AGFG1: variants seen among roughly 807,000 people sequenced by gnomAD.
The protein encoded by AGFG1 is ArfGAP with FG repeats 1.
Under a neutral mutation model 60.6 loss-of-function variants are expected in AGFG1, and 10 were observed. The observed-to-expected ratio is 0.16, with a 90% CI of 0.10 to 0.28. The LOEUF (loss-of-function observed/expected upper bound fraction) is 0.28. AGFG1 is among the 10% of genes least tolerant of loss of function. AGFG1 has a pLI of 1.00. For synonymous variants in AGFG1, 247 were observed against 242.9 expected (o/e 1.02, Z -0.16); for missense variants, 537 against 676.5 (o/e 0.79, Z 2.29).
Position 227,472,322 on chromosome 2 carries a change from G to A in AGFG1, c.-100G>A, listed in dbSNP as rs1169430738. 6.4e-6 allele frequency: 5 copies of A among 785,072 alleles called. No individual in the cohort carries two copies. Among genetic ancestry groups the A allele is most frequent in the Non-Finnish European group, 7.7e-6 (5 of 649,144 alleles). 48.6% of individuals were successfully genotyped at this position (785,072 alleles called of 1,614,324 possible). On this transcript the variant is annotated 5_prime_UTR_variant, in exon 1 of 13. Coordinates refer to ENST00000310078, the MANE Select transcript of AGFG1 (RefSeq NM_004504.5). ...GCGCGGGCGGCGCGCGCAGACGGAGGGCGGCGGCCGCGGCCAGGGCGGCCC... is the reference window on the plus strand; with the variant it reads ...GCGCGGGCGGCGCGCGCAGACGGAGAGCGGCGGCCGCGGCCAGGGCGGCCC...
intron 2 of AGFG1, among the ~76,000 whole-genome samples, chr2:227,517,113 T>C (rs1691674258): frequency 6.6e-6 from 1 of 152,232 alleles, no homozygotes; most frequent in Admixed American, 6.5e-5. Flanking sequence ...GTTGTACTAA[T>C]GTTCCTGGAT....
intron 10 of AGFG1, among the ~76,000 whole-genome samples, chr2:227,548,561 A>G (rs1261949440): frequency 1.3e-5 from 2 of 152,214 alleles, no homozygotes; most frequent in African/African-American, 2.4e-5. Flanking sequence ...ATGTCTAAAT[A>G]CATATGAGAA....
intron 2 of AGFG1, among the ~76,000 whole-genome samples, chr2:227,507,602 C>CAAAAAAAAAAA (rs1162277041): frequency 1.6e-5 from 1 of 61,596 alleles, no homozygotes; most frequent in Non-Finnish European, 3.0e-5. Flanking sequence ...GACTCTGTCT[C>CAAAAAAAAAAA]AAAAAAAAAA....
chr2:227,538,903 A>G (rs1223048523), intron 10 of AGFG1, among the ~76,000 whole-genome samples: 1 of 152,228 alleles, frequency 6.6e-6, no homozygotes, highest in East Asian at 1.9e-4. Context: ...AGGTAAAACG[A>G]CAGTGTCCAC....
At chr2:227,534,379 T>TATAG (rs1692248187) in intron 7 of AGFG1, among the ~76,000 whole-genome samples, 1 of 152,200 alleles carries the variant, frequency 6.6e-6, no homozygotes, top group Non-Finnish European at 1.5e-5. Flanking sequence ...TGTTAAGGCA[T>TATAG]ATAGAACAGT....
chr2:227,532,613 G>GT (rs1448500390), intron 6 of AGFG1, among the ~76,000 whole-genome samples: 4 of 151,696 alleles, frequency 2.6e-5, no homozygotes, highest in South Asian at 2.1e-4. Context: ...AAGTGTTCGT[G>GT]TTTTTTTAAT....
chr2:227,472,369 G>T lies in AGFG1; in HGVS notation c.-53G>T, dbSNP rs1308922679. 4.4e-6 allele frequency: 5 copies of T among 1,127,804 alleles called. No homozygotes were observed. The highest frequency in any genetic ancestry group is 4.4e-6 in the Non-Finnish European group (4 of 911,220). The allele number at this position is 1,127,804 out of a possible 1,614,324, so 69.9% of individuals were successfully genotyped here. On this transcript the variant is annotated 5_prime_UTR_variant, in exon 1 of 13. Transcript: ENST00000310078. Reference sequence around the variant, plus strand: ...GCCCGTGGGACCGCGGGCCCCCGGCGCAGCGCTGCCCGGCTCCCGGCCCTG... The same window carrying T: ...GCCCGTGGGACCGCGGGCCCCCGGCTCAGCGCTGCCCGGCTCCCGGCCCTG...
chr2:227,520,132 C>A, intron 3 of AGFG1, 69 bp downstream of exon 3: 1 of 901,560 alleles, frequency 1.1e-6, no homozygotes, highest in South Asian at 1.6e-5. Context: ...TAAGGTTAGT[C>A]TGACACAATG....
rs1216968021 is a variant in AGFG1 at position 227,552,076 on chromosome 2, C to T, written c.1496C>T (p.Ala499Val). Residue 499 changes from alanine to valine, a missense_variant, in exon 11 of 13, where the codon GCA becomes GTA. Physicochemically the swap from Ala to Val is moderately conservative, Grantham distance 64 (BLOSUM62 0). Coordinates refer to ENST00000310078, the MANE Select transcript of AGFG1 (RefSeq NM_004504.5). ...CAGCAGCCTGCCTTTCCAGCCCAAG[C>T]AGCTTTCCCTCAACAGACAGCTTTT... Reference protein sequence around the residue: ...SFQQPAFPAQAAFPQQTAFSQ... With the variant: ...SFQQPAFPAQVAFPQQTAFSQ... 6.2e-7 allele frequency: 1 copy of T among 1,614,206 alleles called. No individual in the cohort carries two copies. The highest frequency in any genetic ancestry group is 1.1e-5 in the South Asian group (1 of 91,088).
At chr2:227,524,229 A>T (rs1395818539) in intron 4 of AGFG1, among the ~76,000 whole-genome samples, 1 of 152,140 alleles carries the variant, frequency 6.6e-6, no homozygotes, top group Admixed American at 6.6e-5. Context: ...CATGTGTTAT[A>T]CAATTTGTAA....
intron 6 of AGFG1, among the ~76,000 whole-genome samples, chr2:227,533,129 G>A (rs936361607): frequency 6.6e-6 from 1 of 152,154 alleles, no homozygotes; most frequent in Non-Finnish European, 1.5e-5. Flanking sequence ...CCCTGGGATT[G>A]TTTAAACTGT....
At chr2:227,502,552 C>G (rs1691190478) in intron 2 of AGFG1, among the ~76,000 whole-genome samples, 1 of 152,100 alleles carries the variant, frequency 6.6e-6, no homozygotes, top group Admixed American at 6.5e-5. Flanking sequence ...AACTCCTGAC[C>G]TCAGGTGATC....
chr2:227,510,706 G>A lies in AGFG1; in HGVS notation c.262-9242G>A, dbSNP rs984587190. 5.3e-5 allele frequency: 8 copies of A among 152,228 alleles called. 1 individual carries two copies. In the South Asian group the frequency reaches 8.3e-4, roughly 16 times the overall value. The allele number at this position is 152,228 out of a possible 1,614,324, so 9.4% of individuals were successfully genotyped here. On this transcript the variant is annotated intron_variant, in intron 2 of 12. Coordinates refer to ENST00000310078, the MANE Select transcript of AGFG1 (RefSeq NM_004504.5). ...CTCCAAGCTAATATAGCTGGGTTTC[G>A]ATTCTTTTCATCCTATCTAGAACAC...
In AGFG1 at chr2:227,477,517, G is replaced by A. The variant is rs536785045; in HGVS notation, c.167+4929G>A. Among the ~76,000 whole-genome samples, 9 of 152,308 alleles carry A rather than the reference G, an allele frequency of 5.9e-5. No homozygotes were observed. In the South Asian group the frequency reaches 1.2e-3, roughly 21 times the overall value. ...AGAATGTATGGTTACCATGGTTACC[G>A]TAAATTGTTGTGAATTCTATATTTT... On this transcript the variant is annotated intron_variant, in intron 1 of 12. Coordinates refer to ENST00000310078, the MANE Select transcript of AGFG1 (RefSeq NM_004504.5).
intron 5 of AGFG1, among the ~76,000 whole-genome samples, chr2:227,527,858 C>T (rs1692042496): frequency 6.6e-6 from 1 of 152,126 alleles, no homozygotes; most frequent in African/African-American, 2.4e-5. Flanking sequence ...AAATTCAAGA[C>T]TGTATCTTTG....
rs13411747 is a variant in AGFG1 at position 227,489,878 on chromosome 2, C to A, written c.168-1669C>A. Among the ~76,000 whole-genome samples the A allele has an allele frequency of 3.3e-5, 5 of 151,538 alleles. No individual in the cohort carries two copies. The South Asian group carries it at 1.0e-3, about 32-fold the overall frequency. ...TTTTCCAGGATGGAGTGCAGTGGCA[C>A]GATCTTGGCTCACTGCAACCTCTGC... On this transcript the variant is annotated intron_variant, in intron 1 of 12. Transcript: ENST00000310078.
Position 227,558,978 on chromosome 2 carries a change from T to C in AGFG1, c.*4483T>C, listed in dbSNP as rs1216592758. The C allele has an allele frequency of 6.6e-6, 1 of 152,214 alleles. No homozygotes were observed. Among genetic ancestry groups the C allele is most frequent in the Admixed American group, 6.5e-5 (1 of 15,280 alleles). The allele number at this position is 152,214 out of a possible 1,614,324, so 9.4% of individuals were successfully genotyped here. A position where few individuals can be genotyped will look rare whatever the true frequency, so the allele number is the denominator to read the frequency against. The stretch of plus-strand genomic sequence containing the variant: ...TTATATCCAGTATTTGGAGAGCTTT[T>C]ATATTGTTAATTCATTTAGCAAGCA... On this transcript the variant is annotated 3_prime_UTR_variant, in exon 13 of 13. Transcript: ENST00000310078.
At chr2:227,497,047 C>G (rs1690994568) in intron 2 of AGFG1, among the ~76,000 whole-genome samples, 1 of 152,056 alleles carries the variant, frequency 6.6e-6, no homozygotes, top group South Asian at 2.1e-4. Context: ...TACAGCTATT[C>G]TGTTGCCTAT....
At chr2:227,507,641 A>AT (rs1054921328) in intron 2 of AGFG1, among the ~76,000 whole-genome samples, 6 of 148,138 alleles carry the variant, frequency 4.1e-5, no homozygotes, top group Admixed American at 1.4e-4. Context: ...CTTTTCACTA[A>AT]TTTTTTTTGT....
Sources: gnomAD v4.1 joint callset for allele counts (sites outside exome capture counted in the v4.1 genomes callset) on GRCh38, gnomAD v4.1.1 for gene constraint, MANE v1.5 for transcripts, NCBI Gene and HGNC (gene_info 2026-07-23, HGNC 2026-07-21) for gene names.